Variants in PTPRD observed in about 807,000 individuals in gnomAD.
The protein encoded by PTPRD is receptor-type tyrosine-protein phosphatase delta.
Under a neutral mutation model 214.5 loss-of-function variants are expected in PTPRD, and 34 were observed. The observed-to-expected ratio is 0.16, with a 90% confidence interval of 0.12 to 0.21. The LOEUF is 0.21. PTPRD is among the 10% of genes least tolerant of loss of function. PTPRD has a pLI of 1.00. For synonymous variants in PTPRD, 1,128 were observed against 845.7 expected, an observed-to-expected ratio of 1.33 and a Z score of -5.79; for missense variants, 2,545 against 2,398.7, an observed-to-expected ratio of 1.06 and a Z score of -1.27.
At chr9:9,338,053 A>G (rs1428923098) in intron 9 of PTPRD, among the ~76,000 whole-genome samples, 1 of 152,220 alleles carries the variant, frequency 6.6e-6, no homozygotes, top group Non-Finnish European at 1.5e-5. Flanking sequence ...TGTTTCATGT[A>G]CAAATTGCTC....
At chr9:8,499,250 T>C (rs181062928) in intron 25 of PTPRD, among the ~76,000 whole-genome samples, 8 of 152,178 alleles carry the variant, frequency 5.3e-5, no homozygotes, top group Non-Finnish European at 1.0e-4. Context: ...ATTTAGAAAT[T>C]AGAACAACTA....
chr9:10,030,006 T>C (rs991378133), intron 4 of PTPRD, among the ~76,000 whole-genome samples: 4 of 152,166 alleles, frequency 2.6e-5, no homozygotes, highest in Admixed American at 2.0e-4. Flanking sequence ...TAAGATCTGA[T>C]GGTTTTTGAA....
At chr9:9,878,263 T>C (rs1040506797) in intron 5 of PTPRD, among the ~76,000 whole-genome samples, 6 of 152,202 alleles carry the variant, frequency 3.9e-5, no homozygotes, top group African/African-American at 7.2e-5. Flanking sequence ...ATATGTCATG[T>C]ACTAGTTATT....
In PTPRD at chr9:9,189,620, G is replaced by A. The variant is rs186862117; in HGVS notation, c.-202-6257C>T. On this transcript the variant is annotated intron_variant, in intron 9 of 45. Coordinates refer to ENST00000381196, the MANE Select transcript of PTPRD (RefSeq NM_002839.4). ...TAACTGTCTATATGGTTATCTCTTT[G>A]CCCACTATACTGAAAAAGCAGAAGA... is the stretch of plus-strand genomic sequence containing the variant. 3.6e-3 allele frequency among the ~76,000 whole-genome samples: 551 copies of A among 151,768 alleles called. 4 individuals are homozygous for A. The highest frequency in any genetic ancestry group is 0.013 in the African/African-American group (530 of 41,388).
chr9:8,906,543 T>C (rs1329436407), intron 11 of PTPRD, among the ~76,000 whole-genome samples: 1 of 152,172 alleles, frequency 6.6e-6, no homozygotes, highest in Non-Finnish European at 1.5e-5. Flanking sequence ...GTAAGAAATA[T>C]TTAAAAATTA....
intron 3 of PTPRD, among the ~76,000 whole-genome samples, chr9:10,184,003 G>T (rs931631602): frequency 6.6e-6 from 1 of 152,040 alleles, no homozygotes; most frequent in Admixed American, 6.5e-5. Flanking sequence ...AACACATCTG[G>T]TCACATGCAC....
chr9:10,360,492 C>A (rs1156254575), intron 2 of PTPRD, among the ~76,000 whole-genome samples: 1 of 152,232 alleles, frequency 6.6e-6, no homozygotes, highest in African/African-American at 2.4e-5. Flanking sequence ...CATTCTCCTT[C>A]TCTTCCACTT....
rs543961849 is a variant in PTPRD at position 9,418,567 on chromosome 9, A to C, written c.-236-21085T>G. On this transcript the variant is annotated intron_variant, in intron 8 of 45. Coordinates refer to ENST00000381196, the MANE Select transcript of PTPRD (RefSeq NM_002839.4). ...AGCGACCTAGCTATTTCGTATCTCA[A>C]TTTTCTTATCTGTAAAATGGCCATG... Among the ~76,000 whole-genome samples, 9 of 152,018 alleles carry C rather than the reference A, an allele frequency of 5.9e-5. No homozygotes were observed. In the East Asian group the frequency reaches 1.7e-3, roughly 29 times the overall value.
intron 6 of PTPRD, among the ~76,000 whole-genome samples, chr9:9,737,119 C>T (rs2098312491): frequency 6.6e-6 from 1 of 151,908 alleles, no homozygotes. Context: ...ATTATTTTTC[C>T]AAATTGGTCC....
At chr9:9,186,376 G>A (rs2099931469) in intron 9 of PTPRD, among the ~76,000 whole-genome samples, 1 of 152,034 alleles carries the variant, frequency 6.6e-6, no homozygotes, top group Admixed American at 6.6e-5. Context: ...GGCACAATCT[G>A]ACCAGATACA....
intron 4 of PTPRD, among the ~76,000 whole-genome samples, chr9:10,002,720 T>C (rs1169122040): frequency 7.1e-6 from 1 of 141,810 alleles, no homozygotes; most frequent in African/African-American, 2.6e-5. Flanking sequence ...AAGAGAGAAA[T>C]AGAAAATTTA....
chr9:9,825,324 G>A (rs1428330190), intron 5 of PTPRD, among the ~76,000 whole-genome samples: 2 of 151,130 alleles, frequency 1.3e-5, no homozygotes, highest in African/African-American at 4.9e-5. Context: ...GAGAAAGAAA[G>A]AGAGAGAGAA....
chr9:8,741,243 T>C (rs756926420), intron 11 of PTPRD, among the ~76,000 whole-genome samples: 4 of 152,188 alleles, frequency 2.6e-5, no homozygotes, highest in Non-Finnish European at 5.9e-5. Flanking sequence ...TTTGTATCTA[T>C]TGTTCCCCTA....
chr9:10,530,238 A>C (rs1349423404), intron 2 of PTPRD, among the ~76,000 whole-genome samples: 2 of 150,898 alleles, frequency 1.3e-5, no homozygotes, highest in Non-Finnish European at 2.9e-5. Flanking sequence ...TAATCTATAC[A>C]TCCATGTTAG....
At chr9:9,321,504 G>A (rs547453799) in intron 9 of PTPRD, among the ~76,000 whole-genome samples, 5 of 142,796 alleles carry the variant, frequency 3.5e-5, no homozygotes, top group Admixed American at 1.4e-4. Context: ...GCTGTGAGCC[G>A]AGATCACACC....
intron 30 of PTPRD, among the ~76,000 whole-genome samples, chr9:8,475,314 A>C (rs2096741341): frequency 6.6e-6 from 1 of 152,118 alleles, no homozygotes; most frequent in African/African-American, 2.4e-5. Context: ...AAACATTCTG[A>C]GCCCTTTCTC....
intron 8 of PTPRD, among the ~76,000 whole-genome samples, chr9:9,499,314 G>T (rs181037836): frequency 6.6e-6 from 1 of 152,164 alleles, no homozygotes; most frequent in East Asian, 1.9e-4. Flanking sequence ...TGCATTCATG[G>T]CAGGGAAAGA....
intron 2 of PTPRD, among the ~76,000 whole-genome samples, chr9:10,415,117 A>T (rs1180721489): frequency 6.6e-6 from 1 of 151,858 alleles, no homozygotes; most frequent in African/African-American, 2.4e-5. Flanking sequence ...AGATAAATAT[A>T]AAAAACATAG....
chr9:10,210,927 A>G (rs537344711), intron 3 of PTPRD, among the ~76,000 whole-genome samples: 21 of 150,322 alleles, frequency 1.4e-4, no homozygotes, highest in Non-Finnish European at 3.0e-4. Context: ...AAACAAAGTA[A>G]GTCATTCCAT....
Sources: gnomAD v4.1 joint callset for allele counts (sites outside exome capture counted in the v4.1 genomes callset) on GRCh38, gnomAD v4.1.1 for gene constraint, MANE v1.5 for transcripts, NCBI Gene and HGNC (gene_info 2026-07-23, HGNC 2026-07-21) for gene names.